NCOR1: variants seen among roughly 807,000 people sequenced by gnomAD.
NCOR1 encodes the protein nuclear receptor corepressor 1.
A neutral mutation model predicts 288.1 loss-of-function variants in NCOR1; 63 were observed. The observed-to-expected ratio is 0.22, with a 90% CI of 0.18 to 0.27. NCOR1 has a LOEUF of 0.27. Among genes scored for constraint, NCOR1 ranks in the 10% least tolerant of loss-of-function variants. The probability of loss-of-function intolerance (pLI) is 1.00; values close to 1 mark genes in which losing one functional copy is unlikely to be tolerated. For missense variants in NCOR1, 2,397 were observed against 3,019.2 expected (o/e 0.79, Z 4.83); for synonymous variants, 1,007 against 1,065.9 (o/e 0.94, Z 1.08).
At chr17:16,208,035 CTTTTTTTTTTTTT>C (rs71150278) in intron 1 of NCOR1, among the ~76,000 whole-genome samples, 1 of 72,570 alleles carries the variant, frequency 1.4e-5, no homozygotes, top group Non-Finnish European at 2.5e-5. Flanking sequence ...ATATTTCTTT[CTTTTTTTTTTTTT>C]TTTTTTTTTT....
chr17:16,209,889 T>C (rs987458015), intron 1 of NCOR1, among the ~76,000 whole-genome samples: 1 of 151,850 alleles, frequency 6.6e-6, no homozygotes, highest in Non-Finnish European at 1.5e-5. Flanking sequence ...AAGTGGAGGT[T>C]GCAGTGAGCT....
At chr17:16,192,787 A>G (rs1049814547) in intron 2 of NCOR1, among the ~76,000 whole-genome samples, 1 of 152,260 alleles carries the variant, frequency 6.6e-6, no homozygotes, top group African/African-American at 2.4e-5. Context: ...TTTTCTAAGT[A>G]ATTTTACTTA....
At chr17:16,127,873 A>G (rs2074996223) in intron 14 of NCOR1, among the ~76,000 whole-genome samples, 1 of 151,660 alleles carries the variant, frequency 6.6e-6, no homozygotes, top group Non-Finnish European at 1.5e-5. Context: ...CTTTTAAGAG[A>G]CAACATCTCA....
chr17:16,086,217 G>C, intron 23 of NCOR1, 65 bp downstream of exon 23: 1 of 1,492,004 alleles, frequency 6.7e-7, no homozygotes, highest in Non-Finnish European at 9.3e-7. Flanking sequence ...AGTGCGAGGA[G>C]GGAGGACAAG....
chr17:16,175,037 A>AGC (rs2083847401), intron 3 of NCOR1, among the ~76,000 whole-genome samples: 1 of 141,992 alleles, frequency 7.0e-6, no homozygotes, highest in African/African-American at 2.9e-5. Flanking sequence ...CTGTGGTATA[A>AGC]AAAAAAAAAA....
rs2060561690 is a variant in NCOR1 at position 16,061,708 on chromosome 17, T to C, written c.5574A>G (p.Ala1858=). 1 of 1,614,150 alleles carries C rather than the reference T, an allele frequency of 6.2e-7. No individual in the cohort carries two copies. The highest frequency in any genetic ancestry group is 1.3e-5 in the African/African-American group (1 of 74,958). The change falls in exon 37 of 46, where the codon GCA becomes GCG. Residue 1858 remains alanine, a synonymous_variant. Transcript: ENST00000268712. ...CTAGCTGCTGCTGTTCACTAACTGC[T>C]GCTGACCTGCTTCTCAAATTTTCTT... ...RLEENLRSRS[A]AVSEQQQLEQ...
At chr17:16,117,701 T>C (rs1050810930) in intron 18 of NCOR1, among the ~76,000 whole-genome samples, 187 bp downstream of exon 18, 1 of 152,098 alleles carries the variant, frequency 6.6e-6, no homozygotes, top group African/African-American at 2.4e-5. Flanking sequence ...CGGGCGCCTG[T>C]AGTCCCAGCT....
intron 19 of NCOR1, among the ~76,000 whole-genome samples, chr17:16,102,055 A>G (rs911757203): frequency 6.6e-6 from 1 of 152,222 alleles, no homozygotes; most frequent in African/African-American, 2.4e-5. Context: ...TGAAATTGAA[A>G]AAGAACGAAC....
Position 16,172,075 on chromosome 17 carries a change from T to C in NCOR1, c.243-80A>G, listed in dbSNP as rs564010337. The C allele has an allele frequency of 3.7e-4, 438 of 1,180,292 alleles. 5 individuals are homozygous for C. In the South Asian group the frequency reaches 4.7e-3, roughly 13 times the overall value. The allele number at this position is 1,180,292 out of a possible 1,614,324, so 73.1% of individuals were successfully genotyped here. A position where few individuals can be genotyped will look rare whatever the true frequency, so the allele number is the denominator to read the frequency against. On this transcript the variant is annotated intron_variant, in intron 3 of 45. Transcript: ENST00000268712. ...CCTGGTAACATCCCTGGTTAGACTT[T>C]GAAATAACAAATGAAAAAGTCATGC...
chr17:16,104,981 G>C (rs1468638313), intron 19 of NCOR1, among the ~76,000 whole-genome samples: 5 of 152,166 alleles, frequency 3.3e-5, no homozygotes, highest in African/African-American at 9.7e-5. Context: ...CCTGAAGTCG[G>C]GGTTGGTTTG....
At chr17:16,129,668 G>A (rs1042339165) in intron 14 of NCOR1, among the ~76,000 whole-genome samples, 4 of 152,168 alleles carry the variant, frequency 2.6e-5, no homozygotes, top group African/African-American at 9.7e-5. Flanking sequence ...TAGCATCCAT[G>A]TGTCACTCTG....
intron 3 of NCOR1, among the ~76,000 whole-genome samples, chr17:16,173,501 T>C (rs1055399208): frequency 1.3e-5 from 2 of 151,576 alleles, no homozygotes; most frequent in African/African-American, 4.8e-5. Flanking sequence ...TGTGGCACCC[T>C]AAAGAATTGG....
At chr17:16,099,616 G>A (rs988541345) in intron 20 of NCOR1, among the ~76,000 whole-genome samples, 3 of 151,968 alleles carry the variant, frequency 2.0e-5, no homozygotes, top group East Asian at 1.9e-4. Flanking sequence ...TTTCCTTCAC[G>A]TATAGTTACC....
intron 45 of NCOR1, among the ~76,000 whole-genome samples, chr17:16,033,739 A>G (rs375473060): frequency 1.3e-5 from 2 of 152,240 alleles, no homozygotes; most frequent in East Asian, 1.9e-4. Context: ...ATAGAAAATA[A>G]TAAGTATCCT....
At chr17:16,129,989 C>G (rs985109249) in intron 14 of NCOR1, among the ~76,000 whole-genome samples, 1 of 152,214 alleles carries the variant, frequency 6.6e-6, no homozygotes, top group African/African-American at 2.4e-5. Flanking sequence ...ACAACTGCAG[C>G]ACCTGCTTAA....
Position 16,040,558 on chromosome 17 carries a change from TCAAA to T in NCOR1, c.6680-68_6680-65del. The T allele has an allele frequency of 9.0e-6, 12 of 1,333,732 alleles. No individual in the cohort carries two copies. In the South Asian group the frequency reaches 1.1e-4, roughly 13 times the overall value. 82.6% of individuals were successfully genotyped at this position (1,333,732 alleles called of 1,614,324 possible). ...TAATCATATATACCAAACTAAAGTC[TCAAA>T]AAATTCCTATAATAAAATTAATCTT... On this transcript the variant is annotated intron_variant, in intron 42 of 45. Coordinates refer to ENST00000268712, the MANE Select transcript of NCOR1 (RefSeq NM_006311.4).
chr17:16,058,189 T>C (rs2060145299), intron 38 of NCOR1, 125 bp from the exon 39 acceptor site: 8 of 1,120,444 alleles, frequency 7.1e-6, no homozygotes, highest in Non-Finnish European at 8.7e-6. Flanking sequence ...ACAAAGAACT[T>C]ATCTTAATTT....
At chr17:16,164,815 TG>T (rs1199762494) in intron 5 of NCOR1, 163 bp downstream of exon 5, 58 of 501,744 alleles carry the variant, frequency 1.2e-4, no homozygotes, top group Non-Finnish European at 1.9e-4. Flanking sequence ...GCAAGGAAAA[TG>T]AATGAATGTA....
chr17:16,138,872 C>T (rs1430097375), intron 12 of NCOR1, 136 bp downstream of exon 12: 1 of 601,458 alleles, frequency 1.7e-6, no homozygotes, highest in African/African-American at 1.8e-5. Flanking sequence ...ATATTCTCTA[C>T]TTTTCACAGT....
Sources: gnomAD v4.1 joint callset for allele counts (sites outside exome capture counted in the v4.1 genomes callset) on GRCh38, gnomAD v4.1.1 for gene constraint, MANE v1.5 for transcripts, NCBI Gene and HGNC (gene_info 2026-07-23, HGNC 2026-07-21) for gene names.